Variants in CACHD1 observed in about 807,000 individuals in gnomAD.
The protein encoded by CACHD1 is cache domain containing 1.
In CACHD1, 71 loss-of-function variants were observed where a neutral mutation model predicts 138.7. The ratio of observed to expected loss-of-function variants is 0.51; its 90% confidence interval spans 0.42 to 0.62. The LOEUF is 0.62. Among genes scored for constraint, CACHD1 ranks in the 20% least tolerant of loss-of-function variants. CACHD1 has a pLI of 0.00. For synonymous variants in CACHD1, 578 were observed against 591.5 expected, an observed-to-expected ratio of 0.98 and a Z score of 0.33; for missense variants, 1,389 against 1,625.3, an observed-to-expected ratio of 0.85 and a Z score of 2.50.
chr1:64,681,158 T>G, intron 24 of CACHD1, 100 bp from the exon 25 acceptor site: 1 of 785,834 alleles, frequency 1.3e-6, no homozygotes, highest in African/African-American at 1.7e-5. Flanking sequence ...CTTGATGGAA[T>G]GCTGTCACCC....
rs138057281 is a variant in CACHD1, at chr1:64,687,416, A to G, written c.3587-3907A>G. On this transcript the variant is annotated intron_variant, in intron 26 of 26. Coordinates refer to ENST00000651257, the MANE Select transcript of CACHD1 (RefSeq NM_020925.4). ...AGTTACAGAGGAGTTGAGCAATGGTATCATAGTAAGGAAATTAAATGGAAT... is the reference window on the plus strand; with the variant it reads ...AGTTACAGAGGAGTTGAGCAATGGTGTCATAGTAAGGAAATTAAATGGAAT... Among the ~76,000 whole-genome samples, 216 of 152,346 alleles carry G rather than the reference A, an allele frequency of 1.4e-3. 1 individual carries two copies. Among genetic ancestry groups the G allele is most frequent in the African/African-American group, 4.8e-3 (201 of 41,574 alleles).
intron 1 of CACHD1, among the ~76,000 whole-genome samples, chr1:64,490,335 T>G (rs975313338): frequency 6.6e-6 from 1 of 151,952 alleles, no homozygotes; most frequent in Non-Finnish European, 1.5e-5. Flanking sequence ...TAGGATTTGT[T>G]GGCTACAGGG....
chr1:64,643,024 C>T (rs558104041), intron 8 of CACHD1, among the ~76,000 whole-genome samples: 6 of 108,394 alleles, frequency 5.5e-5, no homozygotes, highest in East Asian at 2.9e-4. Flanking sequence ...GGTGACAGAG[C>T]AAGACTCTGT....
chr1:64,629,213 G>A, intron 4 of CACHD1, 142 bp from the exon 5 acceptor site: 2 of 905,752 alleles, frequency 2.2e-6, no homozygotes, highest in Admixed American at 2.8e-5. Flanking sequence ...GAAAGCAAAT[G>A]TTTCATAGAA....
At chr1:64,517,581 G>GGCCC (rs1467438918) in intron 1 of CACHD1, among the ~76,000 whole-genome samples, 1 of 152,112 alleles carries the variant, frequency 6.6e-6, no homozygotes, top group Non-Finnish European at 1.5e-5. Context: ...GGCAGAGCTT[G>GGCCC]GCCCAGTGGG....
In CACHD1 at chr1:64,678,221, TGGA is replaced by T; in HGVS notation, c.3156_3158del (p.Asp1053del). ...GTGGACAGTGATGGAAAGACTCACC[TGGA>T]CAAACCCTACTGTGCCCCCCAGAAA... is the stretch of plus-strand genomic sequence containing the variant. On this transcript the variant is annotated inframe_deletion, in exon 23 of 27. Coordinates refer to ENST00000651257, the MANE Select transcript of CACHD1 (RefSeq NM_020925.4). 6.2e-7 allele frequency: 1 copy of T among 1,612,444 alleles called. No individual in the cohort carries two copies. Among genetic ancestry groups the T allele is most frequent in the South Asian group, 1.1e-5 (1 of 90,604 alleles).
At chr1:64,671,766 C>T (rs1462161911) in intron 17 of CACHD1, 80 bp downstream of exon 17, 23 of 1,538,244 alleles carry the variant, frequency 1.5e-5, no homozygotes, top group African/African-American at 4.1e-5. Context: ...GAATGGGAAC[C>T]GCATAGTTAT....
intron 1 of CACHD1, among the ~76,000 whole-genome samples, chr1:64,499,773 A>G (rs1264244133): frequency 6.6e-6 from 1 of 152,240 alleles, no homozygotes; most frequent in East Asian, 1.9e-4. Flanking sequence ...TGTTAGACCC[A>G]TCATTAGAGA....
At position 64,505,572 on chromosome 1, in the gene CACHD1, ACCCCG is replaced by A; in HGVS notation, c.198+34638_198+34642del. The stretch of plus-strand genomic sequence containing the variant: ...CGCCCCGCCCCCTCCTCTGGGGCAC[ACCCCG>A]CCCCGCCGCCCCTCCCCCTCCCTGG... On this transcript the variant is annotated intron_variant, in intron 1 of 26. Transcript: ENST00000651257. Among the ~76,000 whole-genome samples the A allele has an allele frequency of 8.1e-5, 3 of 36,986 alleles. No individual in the cohort carries two copies. The South Asian group carries it at 3.6e-3, about 44-fold the overall frequency. The allele number at this position is 36,986 out of a possible 152,430, so 24.3% of individuals were successfully genotyped here.
chr1:64,657,615 C>T (rs967718464), intron 12 of CACHD1, among the ~76,000 whole-genome samples: 45 of 152,184 alleles, frequency 3.0e-4, no homozygotes, highest in African/African-American at 1.0e-3. Flanking sequence ...TCTTTGCCAG[C>T]AGTACTTGAA....
At chr1:64,511,922 A>G (rs1379677132) in intron 1 of CACHD1, among the ~76,000 whole-genome samples, 1 of 152,208 alleles carries the variant, frequency 6.6e-6, no homozygotes, top group Non-Finnish European at 1.5e-5. Flanking sequence ...TGTTGATTTG[A>G]GAGTCAGATG....
At chr1:64,558,502 T>C (rs1429631878) in intron 2 of CACHD1, among the ~76,000 whole-genome samples, 2 of 152,328 alleles carry the variant, frequency 1.3e-5, no homozygotes, top group East Asian at 3.9e-4. Flanking sequence ...ACTTTTTGGA[T>C]TTAGATACTG....
intron 1 of CACHD1, among the ~76,000 whole-genome samples, chr1:64,496,066 C>T (rs1646304929): frequency 6.6e-6 from 1 of 152,120 alleles, no homozygotes; most frequent in East Asian, 1.9e-4. Context: ...GCCAACCTGG[C>T]CCATGTCCCA....
At chr1:64,481,145 T>C (rs573922062) in intron 1 of CACHD1, among the ~76,000 whole-genome samples, 1 of 152,290 alleles carries the variant, frequency 6.6e-6, no homozygotes, top group South Asian at 2.1e-4. Context: ...CATATTTCTC[T>C]GGATATAGTA....
At chr1:64,596,117 G>A (rs74961498) in intron 3 of CACHD1, among the ~76,000 whole-genome samples, 3,095 of 152,290 alleles carry the variant, frequency 0.02, 57 homozygotes, top group East Asian at 0.054. Context: ...CGAGGGGGGG[G>A]TTGAGTATTA....
intron 1 of CACHD1, among the ~76,000 whole-genome samples, chr1:64,544,223 C>T (rs1036746938): frequency 2.0e-5 from 3 of 152,090 alleles, no homozygotes; most frequent in African/African-American, 7.2e-5. Context: ...AAAACTCAGT[C>T]CACATTTTCT....
At chr1:64,666,027 A>G (rs773952483) in intron 15 of CACHD1, 30 bp from the exon 16 acceptor site, 1 of 1,299,432 alleles carries the variant, frequency 7.7e-7, no homozygotes, top group Admixed American at 2.0e-5. Context: ...TAAAAAATAA[A>G]ATAACATGAC....
chr1:64,491,584 C>A (rs1646275214), intron 1 of CACHD1, among the ~76,000 whole-genome samples: 1 of 152,144 alleles, frequency 6.6e-6, no homozygotes, highest in Non-Finnish European at 1.5e-5. Context: ...GATTCAGTCA[C>A]CTCCCTCCAG....
chr1:64,525,958 C>T (rs1646535434), intron 1 of CACHD1, among the ~76,000 whole-genome samples: 1 of 152,098 alleles, frequency 6.6e-6, no homozygotes, highest in Non-Finnish European at 1.5e-5. Context: ...ACAGATGATC[C>T]AGGACCTGGA....
Sources: gnomAD v4.1 joint callset for allele counts (sites outside exome capture counted in the v4.1 genomes callset) on GRCh38, gnomAD v4.1.1 for gene constraint, MANE v1.5 for transcripts, NCBI Gene and HGNC (gene_info 2026-07-23, HGNC 2026-07-21) for gene names.